PLOD2: variants seen among roughly 807,000 people sequenced by gnomAD.
PLOD2 encodes the protein procollagen-lysine,2-oxoglutarate 5-dioxygenase 2.
A neutral mutation model predicts 101.0 loss-of-function variants in PLOD2; 65 were observed. That is an observed-to-expected ratio of 0.64 (90% CI 0.53 to 0.79). The LOEUF (loss-of-function observed/expected upper bound fraction) is 0.79. Among genes scored for constraint, PLOD2 ranks in the 30% least tolerant of loss-of-function variants. The probability of loss-of-function intolerance (pLI) is 0.00; values close to 1 mark genes in which losing one functional copy is unlikely to be tolerated. For missense variants in PLOD2, 909 were observed against 914.6 expected (o/e 0.99, Z 0.08); for synonymous variants, 314 against 302.9 (o/e 1.04, Z -0.38).
intron 3 of PLOD2, among the ~76,000 whole-genome samples, chr3:146,111,671 A>G (rs1937637073): frequency 6.6e-6 from 1 of 151,954 alleles, no homozygotes; most frequent in Non-Finnish European, 1.5e-5. Context: ...CTGAACTTTA[A>G]GTTACAATAA....
intron 10 of PLOD2, 52 bp downstream of exon 10, chr3:146,086,735 A>AAATTTTAAATTAAAAGTTT: frequency 8.1e-7 from 1 of 1,235,682 alleles, no homozygotes; most frequent in Non-Finnish European, 1.1e-6. Context: ...ATTTTTTCTT[A>AAATTTTAAATTAAAAGTTT]ACGTTTCCTT....
chr3:146,073,825 A>G (rs1233057840), intron 15 of PLOD2, among the ~76,000 whole-genome samples: 1 of 151,640 alleles, frequency 6.6e-6, no homozygotes, highest in East Asian at 1.9e-4. Context: ...GACAAGGAGC[A>G]AAATTCTACC....
chr3:146,135,062 T>C (rs1489884053), intron 1 of PLOD2, among the ~76,000 whole-genome samples: 1 of 152,240 alleles, frequency 6.6e-6, no homozygotes, highest in African/African-American at 2.4e-5. Flanking sequence ...ATTTGCTTAC[T>C]TTACTCCACA....
chr3:146,111,938 A>G (rs1217478198), intron 3 of PLOD2, among the ~76,000 whole-genome samples: 1 of 152,112 alleles, frequency 6.6e-6, no homozygotes, highest in Non-Finnish European at 1.5e-5. Flanking sequence ...AAGTCTCTGA[A>G]AGAGCGACTA....
chr3:146,107,576 C>T (rs991925602), intron 4 of PLOD2, among the ~76,000 whole-genome samples: 10 of 149,488 alleles, frequency 6.7e-5, no homozygotes, highest in African/African-American at 2.2e-4. Flanking sequence ...GAAAACATGA[C>T]CAAAACCAAT....
At chr3:146,138,814 A>G (rs1399638749) in intron 1 of PLOD2, among the ~76,000 whole-genome samples, 3 of 152,188 alleles carry the variant, frequency 2.0e-5, no homozygotes, top group Non-Finnish European at 4.4e-5. Context: ...TACAATAATA[A>G]CAATGTCTAC....
At chr3:146,124,029 T>A (rs1559861595) in intron 2 of PLOD2, 109 bp downstream of exon 2, 2 of 708,076 alleles carry the variant, frequency 2.8e-6, no homozygotes, top group African/African-American at 1.8e-5. Context: ...AGTAATTATG[T>A]AACCAAATGC....
At chr3:146,115,672 C>G (rs1937875739) in intron 3 of PLOD2, among the ~76,000 whole-genome samples, 1 of 152,166 alleles carries the variant, frequency 6.6e-6, no homozygotes, top group Non-Finnish European at 1.5e-5. Context: ...ATAAATAAGA[C>G]TGTCTGACAA....
At chr3:146,111,529 C>T (rs1182059929) in intron 3 of PLOD2, among the ~76,000 whole-genome samples, 1 of 152,052 alleles carries the variant, frequency 6.6e-6, no homozygotes, top group Non-Finnish European at 1.5e-5. Flanking sequence ...ACTGTAAACA[C>T]TGAACAAAGT....
At chr3:146,128,251 C>T (rs1182540856) in intron 1 of PLOD2, among the ~76,000 whole-genome samples, 3 of 152,148 alleles carry the variant, frequency 2.0e-5, no homozygotes, top group African/African-American at 7.2e-5. Flanking sequence ...CTGCCAACCA[C>T]TAATACCACC....
chr3:146,106,660 G>C lies in PLOD2; in HGVS notation c.503-16C>G. ...CCAATAAATCCTGCAACACAGCAGA[G>C]AGAAAGTAGATAATTTAGGATTCAA... is the stretch of plus-strand genomic sequence containing the variant. On this transcript the variant is annotated splice_polypyrimidine_tract_variant and intron_variant, in intron 4 of 19. Transcript: ENST00000282903. 1 of 1,225,618 alleles carries C rather than the reference G, an allele frequency of 8.2e-7. No homozygotes were observed. Among genetic ancestry groups the C allele is most frequent in the Non-Finnish European group, 1.2e-6 (1 of 825,648 alleles). 75.9% of individuals were successfully genotyped at this position (1,225,618 alleles called of 1,614,324 possible).
chr3:146,073,676 G>C (rs1159896291), intron 15 of PLOD2: 1 of 156,706 alleles, frequency 6.4e-6, no homozygotes, highest in African/African-American at 2.4e-5. Flanking sequence ...TAAACCCGTG[G>C]GAGGTTAAAA....
At chr3:146,128,880 CTTTTTTTTTTTT>C (rs3975816) in intron 1 of PLOD2, among the ~76,000 whole-genome samples, 35 of 73,232 alleles carry the variant, frequency 4.8e-4, no homozygotes, top group Admixed American at 2.1e-3. Flanking sequence ...ATCTGAAATC[CTTTTTTTTTTTT>C]TTTTTTTTTT....
chr3:146,112,296 C>T (rs1030887708), intron 3 of PLOD2, among the ~76,000 whole-genome samples: 4 of 152,106 alleles, frequency 2.6e-5, no homozygotes, highest in East Asian at 1.9e-4. Flanking sequence ...GACACATATA[C>T]AACATGGAAT....
At chr3:146,079,691 A>G (rs1936464929) in intron 12 of PLOD2, among the ~76,000 whole-genome samples, 1 of 152,024 alleles carries the variant, frequency 6.6e-6, no homozygotes, top group Non-Finnish European at 1.5e-5. Flanking sequence ...GTCCATGTTC[A>G]GTAATTTCAC....
rs770728326 is a variant in PLOD2, at chr3:146,129,538, T to C, written c.110-5309A>G. ...CGTCTCAACTGTAATATGTCTGTAATAGCATCTACCTGACAGTATTTCCAT... is the reference window on the plus strand; with the variant it reads ...CGTCTCAACTGTAATATGTCTGTAACAGCATCTACCTGACAGTATTTCCAT... On this transcript the variant is annotated intron_variant, in intron 1 of 19. Coordinates refer to ENST00000282903, the MANE Select transcript of PLOD2 (RefSeq NM_182943.3). 9.3e-4 allele frequency among the ~76,000 whole-genome samples: 142 copies of C among 152,126 alleles called. 1 individual carries two copies. The highest frequency in any genetic ancestry group is 3.4e-4 in the Non-Finnish European group (23 of 67,998).
rs1366797197 is a variant in PLOD2 at position 146,070,489 on chromosome 3, GT to G, written c.*227del. On this transcript the variant is annotated 3_prime_UTR_variant, in exon 20 of 20. Coordinates refer to ENST00000282903, the MANE Select transcript of PLOD2 (RefSeq NM_182943.3). Reference sequence around the variant, plus strand: ...ACAAAGCATAGAAATAAATATTTAAGTTTTTTCTTTCTTTTCTTCTTCAATC... The same window carrying G: ...ACAAAGCATAGAAATAAATATTTAAGTTTTTCTTTCTTTTCTTCTTCAATC... The G allele has an allele frequency of 3.0e-6, 1 of 330,190 alleles. No homozygotes were observed. Among genetic ancestry groups the G allele is most frequent in the East Asian group, 5.0e-5 (1 of 20,078 alleles). 20.5% of individuals were successfully genotyped at this position (330,190 alleles called of 1,614,324 possible). A position where few individuals can be genotyped will look rare whatever the true frequency, so the allele number is the denominator to read the frequency against.
chr3:146,097,703 T>C (rs1363655417), intron 7 of PLOD2, among the ~76,000 whole-genome samples: 10 of 129,810 alleles, frequency 7.7e-5, no homozygotes, highest in African/African-American at 2.6e-4. Flanking sequence ...CCAGAGACCT[T>C]TGTTCACTTG....
At chr3:146,106,209 A>G (rs1045787463) in intron 5 of PLOD2, among the ~76,000 whole-genome samples, 5 of 152,158 alleles carry the variant, frequency 3.3e-5, no homozygotes, top group Non-Finnish European at 7.3e-5. Context: ...TTTAGTATCA[A>G]GTCATTTCAA....
Sources: gnomAD v4.1 joint callset for allele counts (sites outside exome capture counted in the v4.1 genomes callset) on GRCh38, gnomAD v4.1.1 for gene constraint, MANE v1.5 for transcripts, NCBI Gene and HGNC (gene_info 2026-07-23, HGNC 2026-07-21) for gene names.